Variants in ATRNL1 observed in about 807,000 individuals in gnomAD.
ATRNL1 encodes attractin-like protein 1.
In ATRNL1, 95 loss-of-function variants were observed where a neutral mutation model predicts 182.7. That is an observed-to-expected ratio of 0.52 (90% CI 0.44 to 0.62). ATRNL1 has a LOEUF of 0.62. Ranked by LOEUF, ATRNL1 falls within the 20% of genes least tolerant of loss-of-function variation. The pLI is 0.00. For missense variants in ATRNL1, 1,471 were observed against 1,679.5 expected, an observed-to-expected ratio of 0.88 and a Z score of 2.17; for synonymous variants, 576 against 568.3, an observed-to-expected ratio of 1.01 and a Z score of -0.19.
chr10:115,263,047 C>T (rs1343668278), intron 10 of ATRNL1, among the ~76,000 whole-genome samples: 4 of 151,550 alleles, frequency 2.6e-5, no homozygotes, highest in African/African-American at 9.7e-5. Flanking sequence ...GTGAATATAC[C>T]AACATGACTT....
At chr10:115,344,991 C>T (rs1855912536) in intron 19 of ATRNL1, among the ~76,000 whole-genome samples, 1 of 152,188 alleles carries the variant, frequency 6.6e-6, no homozygotes, top group South Asian at 2.1e-4. Flanking sequence ...AAAGTCCTCT[C>T]CACTTTTCCC....
intron 10 of ATRNL1, among the ~76,000 whole-genome samples, chr10:115,256,680 T>C (rs769688193): frequency 3.7e-4 from 55 of 148,578 alleles, no homozygotes; most frequent in Non-Finnish European, 6.8e-4. Context: ...TTCCGCTAGC[T>C]TTTTGAATGT....
chr10:115,800,120 T>G (rs140721748), intron 27 of ATRNL1, among the ~76,000 whole-genome samples: 426 of 151,718 alleles, frequency 2.8e-3, no homozygotes, highest in African/African-American at 9.5e-3. Flanking sequence ...CTCAGGAAGC[T>G]GAGGCAGGAG....
At chr10:115,809,208 A>G (rs575788363) in intron 27 of ATRNL1, among the ~76,000 whole-genome samples, 11 of 152,182 alleles carry the variant, frequency 7.2e-5, no homozygotes, top group East Asian at 5.8e-4. Flanking sequence ...CCTAACACCA[A>G]TCCCACAATG....
chr10:115,841,376 T>TACATATG (rs1950804789), intron 27 of ATRNL1, among the ~76,000 whole-genome samples: 1 of 152,104 alleles, frequency 6.6e-6, no homozygotes, highest in African/African-American at 2.4e-5. Flanking sequence ...TAAATATGGG[T>TACATATG]ACATATGAGT....
chr10:115,868,954 CGAGT>C (rs1951509940), intron 28 of ATRNL1, among the ~76,000 whole-genome samples: 1 of 151,080 alleles, frequency 6.6e-6, no homozygotes, highest in South Asian at 2.1e-4. Context: ...CTCAGCCGCC[CGAGT>C]AGCTGGGAGT....
intron 15 of ATRNL1, among the ~76,000 whole-genome samples, chr10:115,296,524 CAAT>C (rs1853200955): frequency 6.6e-6 from 1 of 152,136 alleles, no homozygotes; most frequent in Non-Finnish European, 1.5e-5. Flanking sequence ...TCATGAGTAT[CAAT>C]AATGGATAAT....
intron 19 of ATRNL1, among the ~76,000 whole-genome samples, chr10:115,384,312 T>C (rs1345359020): frequency 2.0e-5 from 3 of 152,002 alleles, no homozygotes; most frequent in Non-Finnish European, 4.4e-5. Context: ...AAGAAATCAC[T>C]ACCACAATCA....
intron 11 of ATRNL1, among the ~76,000 whole-genome samples, chr10:115,266,014 G>A (rs1163443146): frequency 1.3e-5 from 2 of 151,724 alleles, no homozygotes; most frequent in East Asian, 3.9e-4. Context: ...ATATCAAGTG[G>A]CTGTCCAAAC....
intron 20 of ATRNL1, among the ~76,000 whole-genome samples, chr10:115,395,797 A>C (rs189460106): frequency 4.0e-5 from 6 of 151,804 alleles, no homozygotes; most frequent in African/African-American, 1.2e-4. Context: ...GCAGCATTTT[A>C]GGCTATTTAA....
intron 19 of ATRNL1, among the ~76,000 whole-genome samples, chr10:115,362,561 G>A (rs1287864041): frequency 2.7e-5 from 4 of 150,514 alleles, no homozygotes; most frequent in African/African-American, 9.8e-5. Flanking sequence ...GGGTACATGT[G>A]CACATTGTGC....
intron 8 of ATRNL1, among the ~76,000 whole-genome samples, chr10:115,197,757 A>T (rs1848416843): frequency 6.6e-6 from 1 of 152,170 alleles, no homozygotes; most frequent in African/African-American, 2.4e-5. Context: ...CAAGTTTTGC[A>T]TCCTGCAAAT....
chr10:115,163,320 TTTTTC>T (rs1230535128), intron 6 of ATRNL1, among the ~76,000 whole-genome samples: 1 of 151,616 alleles, frequency 6.6e-6, no homozygotes, highest in Admixed American at 6.6e-5. Context: ...ATTATTTTAT[TTTTTC>T]TTTTATTTCT....
At chr10:115,361,267 T>C (rs1289617861) in intron 19 of ATRNL1, among the ~76,000 whole-genome samples, 1 of 152,062 alleles carries the variant, frequency 6.6e-6, no homozygotes, top group Non-Finnish European at 1.5e-5. Flanking sequence ...CTTTCTACTA[T>C]AATGAGAAGC....
At chr10:115,337,080 C>A (rs2134082442) in intron 19 of ATRNL1, among the ~76,000 whole-genome samples, 1 of 149,944 alleles carries the variant, frequency 6.7e-6, no homozygotes, top group Admixed American at 6.7e-5. Flanking sequence ...CCAGGCTGGT[C>A]TTAAACTCCT....
At chr10:115,732,227 A>G (rs1947820546) in intron 27 of ATRNL1, among the ~76,000 whole-genome samples, 1 of 152,152 alleles carries the variant, frequency 6.6e-6, no homozygotes, top group African/African-American at 2.4e-5. Context: ...CGCTTGTTGA[A>G]AAGTACTTTC....
At chr10:115,562,497 T>C (rs1167767660) in intron 26 of ATRNL1, among the ~76,000 whole-genome samples, 2 of 152,218 alleles carry the variant, frequency 1.3e-5, no homozygotes, top group Non-Finnish European at 2.9e-5. Flanking sequence ...CAAGCTTCTT[T>C]GTTGAAATGG....
At chr10:115,422,110 A>G (rs1845676207) in intron 20 of ATRNL1, among the ~76,000 whole-genome samples, 6 of 152,196 alleles carry the variant, frequency 3.9e-5, no homozygotes, top group Admixed American at 3.3e-4. Context: ...TAACCTAGAT[A>G]CCATTCTGGA....
At chr10:115,225,105 C>T (rs77270930) in intron 9 of ATRNL1, among the ~76,000 whole-genome samples, 1,673 of 151,784 alleles carry the variant, frequency 0.011, 73 homozygotes, top group East Asian at 0.1. Context: ...TTTCCATGGA[C>T]GATTCCAGCA....
Sources: gnomAD v4.1 joint callset for allele counts (sites outside exome capture counted in the v4.1 genomes callset) on GRCh38, gnomAD v4.1.1 for gene constraint, MANE v1.5 for transcripts, NCBI Gene and HGNC (gene_info 2026-07-23, HGNC 2026-07-21) for gene names.